FBLN1: variants seen among roughly 807,000 people sequenced by gnomAD.
The protein encoded by FBLN1 is fibulin 1.
In FBLN1, 34 loss-of-function variants were observed where a neutral mutation model predicts 89.7. The observed-to-expected ratio is 0.38, with a 90% CI of 0.29 to 0.50. The LOEUF (loss-of-function observed/expected upper bound fraction) is 0.50. FBLN1 is among the 20% of genes least tolerant of loss of function. FBLN1 has a pLI of 0.92. For missense variants in FBLN1, 777 were observed against 988.1 expected (o/e 0.79, Z 2.86); for synonymous variants, 393 against 391.3 (o/e 1.00, Z -0.05).
At chr22:45,542,500 G>C (rs2088570568) in intron 10 of FBLN1, among the ~76,000 whole-genome samples, 1 of 152,210 alleles carries the variant, frequency 6.6e-6, no homozygotes, top group Non-Finnish European at 1.5e-5. Context: ...CCCTGTGTGT[G>C]AGCCTGCTCC....
At chr22:45,542,362 A>T in intron 10 of FBLN1, 79 bp downstream of exon 10, 1 of 1,564,746 alleles carries the variant, frequency 6.4e-7, no homozygotes, top group Non-Finnish European at 8.8e-7. Flanking sequence ...ACCTCGAGTG[A>T]TGTGGTCTGA....
At chr22:45,518,969 G>A (rs911412276) in intron 2 of FBLN1, among the ~76,000 whole-genome samples, 182 bp downstream of exon 2, 5 of 152,170 alleles carry the variant, frequency 3.3e-5, no homozygotes, top group African/African-American at 7.2e-5. Context: ...GCCTGGCACC[G>A]GGCCTTGGCT....
At chr22:45,507,819 C>T (rs529424861) in intron 1 of FBLN1, among the ~76,000 whole-genome samples, 3 of 152,200 alleles carry the variant, frequency 2.0e-5, no homozygotes, top group African/African-American at 4.8e-5. Context: ...TGAGCCACTG[C>T]GCCTGGCCCT....
chr22:45,570,350 G>GAAAAAAAAA (rs2088942165), intron 14 of FBLN1, among the ~76,000 whole-genome samples: 1 of 69,214 alleles, frequency 1.4e-5, no homozygotes, highest in Admixed American at 1.5e-4. Context: ...GAAAAGAAAA[G>GAAAAAAAAA]AAAAGAAAAA....
chr22:45,592,010 C>T (rs141853556), intron 16 of FBLN1, among the ~76,000 whole-genome samples: 1,573 of 149,358 alleles, frequency 0.011, 150 homozygotes, highest in African/African-American at 0.038. Context: ...GTGTCCTGCG[C>T]GCCATTTTGC....
chr22:45,598,371 C>A (rs943482720), intron 16 of FBLN1, among the ~76,000 whole-genome samples: 2 of 152,228 alleles, frequency 1.3e-5, no homozygotes, highest in African/African-American at 4.8e-5. Context: ...ACCCCACATC[C>A]CCACCCTCAA....
At chr22:45,523,633 A>G (rs973281984) in intron 2 of FBLN1, among the ~76,000 whole-genome samples, 1 of 152,128 alleles carries the variant, frequency 6.6e-6, no homozygotes, top group Non-Finnish European at 1.5e-5. Flanking sequence ...GAACCCAGGA[A>G]GCGGAGGTTG....
intron 12 of FBLN1, among the ~76,000 whole-genome samples, chr22:45,547,796 C>T (rs1309317914): frequency 1.3e-5 from 2 of 151,826 alleles, no homozygotes; most frequent in Admixed American, 6.6e-5. Context: ...ATGTGCACGG[C>T]GGTAATTACA....
At chr22:45,560,673 C>T (rs375197835) in intron 14 of FBLN1, among the ~76,000 whole-genome samples, 56 of 152,268 alleles carry the variant, frequency 3.7e-4, no homozygotes, top group Admixed American at 1.0e-3. Flanking sequence ...CACCATTCTC[C>T]GACACCCTTA....
At chr22:45,546,218 T>G (rs1247994743) in intron 11 of FBLN1, among the ~76,000 whole-genome samples, 1 of 152,190 alleles carries the variant, frequency 6.6e-6, no homozygotes, top group Non-Finnish European at 1.5e-5. Flanking sequence ...TTCTTTATTT[T>G]ATTGTTATTA....
Position 45,576,898 on chromosome 22 carries a change from G to T in FBLN1, c.1841-79G>T, listed in dbSNP as rs1342149618. On this transcript the variant is annotated intron_variant, in intron 15 of 16. Transcript: ENST00000327858. This position sits in a 1 kb window ranked among gnomAD's most constrained non-coding sequence, Gnocchi z 5.2. Reference sequence around the variant, plus strand: ...TGGGTTAGGTCTTCATTCCCCAAGGGTGAGTTCCTGGGGACGAGGCTGGGA... The same window carrying T: ...TGGGTTAGGTCTTCATTCCCCAAGGTTGAGTTCCTGGGGACGAGGCTGGGA... The T allele has an allele frequency of 4.5e-6, 7 of 1,561,052 alleles. No individual in the cohort carries two copies. The highest frequency in any genetic ancestry group is 6.1e-6 in the Non-Finnish European group (7 of 1,140,716).
At chr22:45,600,281 C>T in intron 16 of FBLN1, 26 bp from the exon 17 acceptor site, 1 of 1,614,196 alleles carries the variant, frequency 6.2e-7, no homozygotes, top group Non-Finnish European at 8.5e-7. Context: ...TTCTAACTTC[C>T]AGCACACCTT....
chr22:45,552,438 G>GCCA (rs1208217587), intron 14 of FBLN1, among the ~76,000 whole-genome samples: 1 of 152,176 alleles, frequency 6.6e-6, no homozygotes, highest in Admixed American at 6.5e-5. Flanking sequence ...GTGAGGAGGG[G>GCCA]CCACCCCCTC....
chr22:45,578,949 A>C lies in FBLN1; in HGVS notation c.1972+1841A>C, dbSNP rs909103955. On this transcript the variant is annotated intron_variant, in intron 16 of 16. Coordinates refer to ENST00000327858, the MANE Select transcript of FBLN1 (RefSeq NM_006486.3). This position sits in a 1 kb window ranked among gnomAD's most constrained non-coding sequence, Gnocchi z 4.6. The stretch of plus-strand genomic sequence containing the variant: ...ACTTTGCATCTCAGCAGCAGGGAGA[A>C]GCCACCCCGTATCAGATCATCAAAA... 2.0e-5 allele frequency among the ~76,000 whole-genome samples: 3 copies of C among 152,244 alleles called. No homozygotes were observed. Among genetic ancestry groups the C allele is most frequent in the African/African-American group, 7.2e-5 (3 of 41,470 alleles).
At position 45,537,153 on chromosome 22, in the gene FBLN1, G is replaced by A. The variant is rs1455174074; in HGVS notation, c.922+1816G>A. Among the ~76,000 whole-genome samples the A allele has an allele frequency of 6.6e-6, 1 of 152,196 alleles. No individual in the cohort carries two copies. Among genetic ancestry groups the A allele is most frequent in the Non-Finnish European group, 1.5e-5 (1 of 68,034 alleles). On this transcript the variant is annotated intron_variant, in intron 8 of 16. Coordinates refer to ENST00000327858, the MANE Select transcript of FBLN1 (RefSeq NM_006486.3). The surrounding 1 kb of genome is among the most constrained non-coding windows in gnomAD (Gnocchi z 5.7). ...ACACTAGTCAGAACCTCCCCACCTG[G>A]GGTGGCCCCATCACCTCTCCCCTGC...
At chr22:45,539,490 C>T (rs1418591782) in intron 8 of FBLN1, among the ~76,000 whole-genome samples, 10 of 152,092 alleles carry the variant, frequency 6.6e-5, no homozygotes, top group Non-Finnish European at 1.2e-4. Flanking sequence ...TGAGCCACCA[C>T]GCCCAGCCTC....
Position 45,527,913 on chromosome 22 carries a change from C to G in FBLN1, c.388C>G (p.Leu130Val), listed in dbSNP as rs539376009. 1 of 1,614,162 alleles carries G rather than the reference C, an allele frequency of 6.2e-7. No homozygotes were observed. The highest frequency in any genetic ancestry group is 8.5e-7 in the Non-Finnish European group (1 of 1,180,036). ...CCAGGGCCAGAGCTGCGAGTACAGC[C>G]TCATGGTTGGCTACCAGTGTGGACA... Reference protein sequence around the residue: ...QAQGQSCEYSLMVGYQCGQVF... With the variant: ...QAQGQSCEYSVMVGYQCGQVF... Residue 130 changes from leucine to valine, a missense_variant, in exon 4 of 17, where the codon CTC becomes GTC. Leu to Val is a conservative substitution (Grantham distance 32, BLOSUM62 1). Coordinates refer to ENST00000327858, the MANE Select transcript of FBLN1 (RefSeq NM_006486.3).
intron 14 of FBLN1, among the ~76,000 whole-genome samples, chr22:45,571,421 G>C (rs1280204678): frequency 6.6e-6 from 1 of 152,212 alleles, no homozygotes; most frequent in African/African-American, 2.4e-5. Flanking sequence ...ATAAGGAAAA[G>C]AGTATAGTAT....
Position 45,590,630 on chromosome 22 carries a change from C to T in FBLN1, c.1973-9677C>T, listed in dbSNP as rs1273311041. Among the ~76,000 whole-genome samples, 1 of 152,040 alleles carries T rather than the reference C, an allele frequency of 6.6e-6. No individual in the cohort carries two copies. Among genetic ancestry groups the T allele is most frequent in the Non-Finnish European group, 1.5e-5 (1 of 68,024 alleles). On this transcript the variant is annotated intron_variant, in intron 16 of 16. Transcript: ENST00000327858. This position sits in a 1 kb window ranked among gnomAD's most constrained non-coding sequence, Gnocchi z 4.1. ...GGTGGTACACGTGTTCAGGTAGATG[C>T]GACGAGGCCGGAACTGAGGCCAGGT...
Sources: gnomAD v4.1 joint callset for allele counts (sites outside exome capture counted in the v4.1 genomes callset) on GRCh38, gnomAD v4.1.1 for gene constraint, Gnocchi (gnomAD v3.1) non-coding constraint, MANE v1.5 for transcripts, NCBI Gene and HGNC (gene_info 2026-07-23, HGNC 2026-07-21) for gene names.